Variants in SGCD observed in about 807,000 individuals in gnomAD.
SGCD encodes sarcoglycan delta.
In SGCD, 18 loss-of-function variants were observed where a neutral mutation model predicts 36.6. The ratio of observed to expected loss-of-function variants is 0.49; its 90% confidence interval spans 0.34 to 0.73. SGCD has a LOEUF of 0.73. SGCD is among the 30% of genes least tolerant of loss of function. SGCD has a pLI of 0.01. For synonymous variants in SGCD, 133 were observed against 130.6 expected, an observed-to-expected ratio of 1.02 and a Z score of -0.12; for missense variants, 387 against 346.7, an observed-to-expected ratio of 1.12 and a Z score of -0.92.
At chr5:156,073,393 A>T (rs749659176) in intron 1 of SGCD, among the ~76,000 whole-genome samples, 1 of 152,096 alleles carries the variant, frequency 6.6e-6, no homozygotes, top group Non-Finnish European at 1.5e-5. Flanking sequence ...CCTTGCCTCT[A>T]CAAAAATTGG....
chr5:156,054,231 A>G (rs138532576), intron 1 of SGCD, among the ~76,000 whole-genome samples: 1 of 144,806 alleles, frequency 6.9e-6, no homozygotes, highest in East Asian at 1.9e-4. Flanking sequence ...GTGCAACACC[A>G]AACATCTGGA....
Position 156,638,495 on chromosome 5 carries a change from T to A in SGCD, c.503-8969T>A, listed in dbSNP as rs115341834. On this transcript the variant is annotated intron_variant, in intron 6 of 8. Coordinates refer to ENST00000337851, the MANE Select transcript of SGCD (RefSeq NM_000337.6). The stretch of plus-strand genomic sequence containing the variant: ...CTTGAGCACGGCTCTCTCATGATGA[T>A]GTCAAGCAGCCTTCTCAGCTTATCG... Among the ~76,000 whole-genome samples the A allele has an allele frequency of 3.2e-3, 487 of 152,288 alleles. 5 individuals carry two copies. The highest frequency in any genetic ancestry group is 0.01 in the African/African-American group (421 of 41,562).
intron 3 of SGCD, among the ~76,000 whole-genome samples, chr5:156,224,666 A>G (rs768649743): frequency 2.0e-5 from 3 of 152,140 alleles, no homozygotes; most frequent in Non-Finnish European, 4.4e-5. Flanking sequence ...AAGTTTTAAA[A>G]AGACTTCAGC....
the SGCD span, among the ~76,000 whole-genome samples, chr5:155,749,313 A>G: frequency 6.6e-6 from 1 of 152,144 alleles, no homozygotes; most frequent in Non-Finnish European, 1.5e-5. Flanking sequence ...CCTCTACTTC[A>G]TGCTATTTAC....
intron 5 of SGCD, among the ~76,000 whole-genome samples, chr5:156,592,970 T>A (rs1481154823): frequency 6.6e-6 from 1 of 152,202 alleles, no homozygotes; most frequent in Non-Finnish European, 1.5e-5. Context: ...TGCAGTAGAA[T>A]GGCGACATCC....
chr5:155,917,547 A>T (rs1015162305), intron 1 of SGCD, among the ~76,000 whole-genome samples: 3 of 152,244 alleles, frequency 2.0e-5, no homozygotes, highest in African/African-American at 7.2e-5. Flanking sequence ...TAAAACATAC[A>T]GCCTAACCAA....
chr5:156,311,829 G>A (rs778654880), intron 3 of SGCD, among the ~76,000 whole-genome samples: 42 of 152,244 alleles, frequency 2.8e-4, no homozygotes, highest in Non-Finnish European at 5.0e-4. Flanking sequence ...CCCACTGATG[G>A]AAACAAAATG....
intron 6 of SGCD, among the ~76,000 whole-genome samples, chr5:156,631,696 T>C (rs1167470722): frequency 6.6e-6 from 1 of 152,062 alleles, no homozygotes; most frequent in African/African-American, 2.4e-5. Flanking sequence ...GAACACCTTT[T>C]AGCGTACCTG....
At chr5:155,732,892 A>C in the SGCD span, among the ~76,000 whole-genome samples, 21 of 152,188 alleles carry the variant, frequency 1.4e-4, no homozygotes, top group African/African-American at 5.1e-4. Flanking sequence ...GAAATACAAA[A>C]AGTAGTAAAC....
intron 6 of SGCD, among the ~76,000 whole-genome samples, chr5:156,624,791 C>G (rs1028329355): frequency 6.6e-6 from 1 of 151,970 alleles, no homozygotes; most frequent in Admixed American, 6.6e-5. Context: ...TCTGTGATTC[C>G]TAGACAGAAA....
At chr5:156,706,615 G>A (rs748603548) in intron 7 of SGCD, among the ~76,000 whole-genome samples, 5 of 152,062 alleles carry the variant, frequency 3.3e-5, no homozygotes, top group Non-Finnish European at 5.9e-5. Flanking sequence ...TTGACACTTT[G>A]CTGGCCTTTC....
intron 7 of SGCD, among the ~76,000 whole-genome samples, chr5:156,717,210 A>G (rs1463747869): frequency 6.6e-6 from 1 of 152,036 alleles, no homozygotes; most frequent in East Asian, 1.9e-4. Context: ...TGCCTCAAAG[A>G]GAGAGAAACA....
Position 156,536,854 on chromosome 5 carries a change from G to A in SGCD, c.294+28152G>A, listed in dbSNP as rs113115328. On this transcript the variant is annotated intron_variant, in intron 4 of 8. Transcript: ENST00000337851. The stretch of plus-strand genomic sequence containing the variant: ...ATTTCTTTTCCTCAGATACAGCCTT[G>A]ACTTGGTGGCTCTCTGCCTTTGGTT... Among the ~76,000 whole-genome samples the A allele has an allele frequency of 8.7e-3, 1,329 of 152,212 alleles. 8 individuals are homozygous for A. Among genetic ancestry groups the A allele is most frequent in the African/African-American group, 0.03 (1,257 of 41,544 alleles).
At position 156,408,296 on chromosome 5, in the gene SGCD, A is replaced by C. The variant is rs77238417; in HGVS notation, c.192+63619A>C. The stretch of plus-strand genomic sequence containing the variant: ...GACATGTGCGTACAGGATGTGTAGT[A>C]GATACAACCCTGAAAAGCCTGGTTT... On this transcript the variant is annotated intron_variant, in intron 3 of 8. Transcript: ENST00000337851. 7.7e-4 allele frequency among the ~76,000 whole-genome samples: 118 copies of C among 152,268 alleles called. No individual in the cohort carries two copies. In the East Asian group the frequency reaches 0.016, roughly 21 times the overall value.
At chr5:156,410,920 A>G (rs1022263207) in intron 3 of SGCD, among the ~76,000 whole-genome samples, 2 of 150,638 alleles carry the variant, frequency 1.3e-5, no homozygotes, top group Non-Finnish European at 3.0e-5. Flanking sequence ...TCATGAAATG[A>G]AAAAAAAACA....
chr5:156,594,552 T>C (rs1017810561), intron 5 of SGCD, among the ~76,000 whole-genome samples: 2 of 152,152 alleles, frequency 1.3e-5, no homozygotes, highest in African/African-American at 4.8e-5. Flanking sequence ...AGATATGTGA[T>C]TGTCTCGAGA....
intron 7 of SGCD, among the ~76,000 whole-genome samples, chr5:156,687,088 C>G (rs1022834481): frequency 6.6e-6 from 1 of 152,142 alleles, no homozygotes; most frequent in African/African-American, 2.4e-5. Flanking sequence ...CTCCTGGGAA[C>G]TGGCATGCAG....
At chr5:156,502,804 C>T (rs1173375029) in intron 3 of SGCD, among the ~76,000 whole-genome samples, 2 of 152,014 alleles carry the variant, frequency 1.3e-5, no homozygotes, top group Admixed American at 1.3e-4. Context: ...GTTTCCAATC[C>T]AGCCTCATTG....
At chr5:155,811,334 G>A in the SGCD span, among the ~76,000 whole-genome samples, 2 of 152,136 alleles carry the variant, frequency 1.3e-5, no homozygotes, top group Admixed American at 6.5e-5. Flanking sequence ...CTAGCACCCA[G>A]TTCCATGCCT....
Sources: gnomAD v4.1 joint callset for allele counts (sites outside exome capture counted in the v4.1 genomes callset) on GRCh38, gnomAD v4.1.1 for gene constraint, MANE v1.5 for transcripts, NCBI Gene and HGNC (gene_info 2026-07-23, HGNC 2026-07-21) for gene names.